MARCHF1: variants seen among roughly 807,000 people sequenced by gnomAD.
MARCHF1 encodes the protein E3 ubiquitin-protein ligase MARCHF1.
In MARCHF1, 40 loss-of-function variants were observed where a neutral mutation model predicts 54.2. The observed-to-expected ratio is 0.74, with a 90% CI of 0.57 to 0.96. The LOEUF (loss-of-function observed/expected upper bound fraction) is 0.96, where lower values mean the gene tolerates loss of function less well. MARCHF1 is among the 40% of genes least tolerant of loss of function. MARCHF1 has a pLI of 0.00. For synonymous variants in MARCHF1, 236 were observed against 236.3 expected (o/e 1.00, Z 0.01); for missense variants, 586 against 656.5 (o/e 0.89, Z 1.17).
intron 8 of MARCHF1, among the ~76,000 whole-genome samples, chr4:163,554,193 G>A (rs1474166756): frequency 2.6e-5 from 4 of 152,168 alleles, no homozygotes; most frequent in African/African-American, 9.7e-5. Context: ...AGAAAAAGGT[G>A]CATTTATTTA....
At chr4:164,053,101 G>A (rs1754409016) in intron 2 of MARCHF1, among the ~76,000 whole-genome samples, 2 of 152,244 alleles carry the variant, frequency 1.3e-5, no homozygotes, top group African/African-American at 2.4e-5. Flanking sequence ...TTCAAAATAT[G>A]TAGTTATTGG....
At chr4:164,346,604 GTATATATATATATATATATATATATATA>G (rs56936775) in intron 1 of MARCHF1, among the ~76,000 whole-genome samples, 2,120 of 42,340 alleles carry the variant, frequency 0.05, 59 homozygotes, top group South Asian at 0.12. Context: ...ATGTATGTAT[GTATATATATATATATATATATATATATA>G]TATATATATA....
intron 9 of MARCHF1, among the ~76,000 whole-genome samples, chr4:163,538,319 A>T (rs1738606273): frequency 9.3e-6 from 1 of 107,372 alleles, no homozygotes; most frequent in Non-Finnish European, 2.1e-5. Context: ...AAAAAAGTAA[A>T]ATTTATAAAT....
At chr4:163,953,742 TA>T (rs1331829840) in intron 3 of MARCHF1, among the ~76,000 whole-genome samples, 3 of 152,272 alleles carry the variant, frequency 2.0e-5, no homozygotes, top group Admixed American at 6.5e-5. Context: ...TTTAAGGGGT[TA>T]AAAAAATCAA....
Position 163,728,977 on chromosome 4 carries a change from A to G in MARCHF1, c.112-28114T>C, listed in dbSNP as rs1372502978. Among the ~76,000 whole-genome samples, 3 of 152,108 alleles carry G rather than the reference A, an allele frequency of 2.0e-5. 1 individual carries two copies. Among genetic ancestry groups the G allele is most frequent in the African/African-American group, 7.2e-5 (3 of 41,454 alleles). On this transcript the variant is annotated intron_variant, in intron 4 of 9. Transcript: ENST00000514618. ...TATTCCTAGTTTTCTGGGAATTTTT[A>G]TCATGAATGGCTATTAGATTTTGTC...
At chr4:164,251,778 T>G (rs141479923) in intron 1 of MARCHF1, among the ~76,000 whole-genome samples, 170 of 152,172 alleles carry the variant, frequency 1.1e-3, no homozygotes, top group African/African-American at 3.9e-3. Flanking sequence ...CATAGCTGCA[T>G]GCTAATAAAT....
intron 9 of MARCHF1, among the ~76,000 whole-genome samples, chr4:163,535,636 CCT>C (rs1738502477): frequency 6.6e-6 from 1 of 152,114 alleles, no homozygotes; most frequent in African/African-American, 2.4e-5. Context: ...TGGCTGGACG[CCT>C]GTGTCCATTT....
At chr4:163,686,983 G>C (rs1482832524) in intron 5 of MARCHF1, among the ~76,000 whole-genome samples, 1 of 152,146 alleles carries the variant, frequency 6.6e-6, no homozygotes, top group Admixed American at 6.5e-5. Context: ...ACCTTGCAGT[G>C]CATAGATTAA....
At chr4:163,678,264 G>A (rs967791154) in intron 5 of MARCHF1, among the ~76,000 whole-genome samples, 10 of 152,060 alleles carry the variant, frequency 6.6e-5, no homozygotes, top group African/African-American at 2.2e-4. Flanking sequence ...TAAAGCAATC[G>A]CCATCTCAGT....
chr4:164,134,272 C>T (rs1756356837), intron 1 of MARCHF1, among the ~76,000 whole-genome samples: 2 of 152,136 alleles, frequency 1.3e-5, no homozygotes, highest in Admixed American at 1.3e-4. Flanking sequence ...GATTGGTTGC[C>T]AGTGTTTCTA....
intron 2 of MARCHF1, among the ~76,000 whole-genome samples, chr4:164,061,462 T>C (rs1370123456): frequency 7.3e-6 from 1 of 137,134 alleles, no homozygotes; most frequent in Non-Finnish European, 1.5e-5. Context: ...ATAAAAGTTA[T>C]ATTAACATTA....
At chr4:163,886,120 T>C (rs1750525842) in intron 3 of MARCHF1, among the ~76,000 whole-genome samples, 1 of 149,590 alleles carries the variant, frequency 6.7e-6, no homozygotes, top group Admixed American at 6.7e-5. Context: ...ATTGGATATT[T>C]ATATCTAGAG....
chr4:164,255,380 G>T (rs1330468666), intron 1 of MARCHF1, among the ~76,000 whole-genome samples: 1 of 111,272 alleles, frequency 9.0e-6, no homozygotes, highest in Non-Finnish European at 1.8e-5. Flanking sequence ...CAATGAAAAG[G>T]CAAGAAAGAT....
chr4:164,143,288 C>A (rs907328638), intron 1 of MARCHF1, among the ~76,000 whole-genome samples: 1 of 148,596 alleles, frequency 6.7e-6, no homozygotes, highest in Non-Finnish European at 1.5e-5. Flanking sequence ...TCTAGCAAGG[C>A]AGGCCAACGT....
At chr4:164,259,178 G>A (rs987995536) in intron 1 of MARCHF1, among the ~76,000 whole-genome samples, 2 of 151,988 alleles carry the variant, frequency 1.3e-5, no homozygotes, top group Middle Eastern at 3.2e-3. Flanking sequence ...ATACTCCTCC[G>A]AAATTCATTC....
At chr4:164,055,416 C>T (rs1754468099) in intron 2 of MARCHF1, 1 of 147,420 alleles carries the variant, frequency 6.8e-6, no homozygotes, top group Non-Finnish European at 1.5e-5. Context: ...TGCACTCCAG[C>T]CTGGATGAGA....
At chr4:163,866,313 A>G (rs1413145251) in intron 3 of MARCHF1, among the ~76,000 whole-genome samples, 1 of 151,066 alleles carries the variant, frequency 6.6e-6, no homozygotes, top group Admixed American at 6.6e-5. Flanking sequence ...AAACTGTATT[A>G]TATACCAAGA....
intron 4 of MARCHF1, among the ~76,000 whole-genome samples, chr4:163,750,042 C>G (rs1296848218): frequency 2.0e-5 from 3 of 151,522 alleles, no homozygotes; most frequent in Non-Finnish European, 4.4e-5. Context: ...GCACTCCAGC[C>G]TGGGTGACAG....
intron 1 of MARCHF1, among the ~76,000 whole-genome samples, chr4:164,249,007 C>T (rs1196326917): frequency 6.6e-6 from 1 of 152,006 alleles, no homozygotes; most frequent in Non-Finnish European, 1.5e-5. Flanking sequence ...CCAAGTGTTG[C>T]TACAATTTCT....
Sources: gnomAD v4.1 joint callset for allele counts (sites outside exome capture counted in the v4.1 genomes callset) on GRCh38, gnomAD v4.1.1 for gene constraint, MANE v1.5 for transcripts, NCBI Gene and HGNC (gene_info 2026-07-23, HGNC 2026-07-21) for gene names.